SYT6: variants seen among roughly 807,000 people sequenced by gnomAD.
The protein encoded by SYT6 is synaptotagmin 6.
In SYT6, 24 loss-of-function variants were observed where a neutral mutation model predicts 38.4. The ratio of observed to expected loss-of-function variants is 0.62; its 90% CI spans 0.45 to 0.88. SYT6 has a LOEUF of 0.88. Ranked by LOEUF, SYT6 falls within the 40% of genes least tolerant of loss-of-function variation. The pLI is 0.00. For missense variants in SYT6, 611 were observed against 621.0 expected, an observed-to-expected ratio of 0.98 and a Z score of 0.17; for synonymous variants, 265 against 241.9, an observed-to-expected ratio of 1.10 and a Z score of -0.89.
chr1:114,115,606 G>A (rs1207696610), intron 3 of SYT6, among the ~76,000 whole-genome samples: 1 of 151,866 alleles, frequency 6.6e-6, no homozygotes, highest in African/African-American at 2.4e-5. Flanking sequence ...TGGTAGAGAC[G>A]GGGTTTTATC....
intron 6 of SYT6, among the ~76,000 whole-genome samples, chr1:114,094,892 C>T (rs1675538808): frequency 6.6e-6 from 1 of 152,200 alleles, no homozygotes; most frequent in African/African-American, 2.4e-5. Context: ...GGGAGGATTG[C>T]CTCCAAGCAC....
intron 1 of SYT6, among the ~76,000 whole-genome samples, chr1:114,143,267 T>C (rs901465657): frequency 6.7e-6 from 1 of 149,256 alleles, no homozygotes; most frequent in African/African-American, 2.4e-5. Context: ...TATACTTTAG[T>C]CTATTAAGTG....
At chr1:114,108,802 G>T (rs972971439) in intron 3 of SYT6, among the ~76,000 whole-genome samples, 3 of 152,194 alleles carry the variant, frequency 2.0e-5, no homozygotes, top group African/African-American at 4.8e-5. Flanking sequence ...TCCATCTTGG[G>T]AATGCAGGCT....
rs542085771 is a variant in SYT6, at chr1:114,148,092, T to C, written c.163+5518A>G. Among the ~76,000 whole-genome samples the C allele has an allele frequency of 4.6e-5, 7 of 152,320 alleles. No individual in the cohort carries two copies. The East Asian group carries it at 1.3e-3, about 29-fold the overall frequency. On this transcript the variant is annotated intron_variant, in intron 1 of 7. Coordinates refer to ENST00000610222, the MANE Select transcript of SYT6 (RefSeq NM_001253772.2). ...GTCACCTTAAATGAGACTGTCTGGT[T>C]GGGGTGATGGCCCATGGTCTCCCTC...
chr1:114,129,026 AG>A (rs557417877), intron 3 of SYT6, among the ~76,000 whole-genome samples: 115 of 152,328 alleles, frequency 7.5e-4, no homozygotes, highest in African/African-American at 2.6e-3. Flanking sequence ...GATGTCCAAA[AG>A]GTATCTCAAA....
At chr1:114,144,728 C>T (rs572016600) in intron 1 of SYT6, among the ~76,000 whole-genome samples, 2 of 152,248 alleles carry the variant, frequency 1.3e-5, no homozygotes, top group South Asian at 4.2e-4. Context: ...CTAAGGGGAT[C>T]CAGGTACTCC....
At chr1:114,143,501 A>G (rs934276016) in intron 1 of SYT6, among the ~76,000 whole-genome samples, 1 of 148,752 alleles carries the variant, frequency 6.7e-6, no homozygotes, top group African/African-American at 2.5e-5. Context: ...TATATGTATA[A>G]GTTATATATA....
chr1:114,143,045 T>A (rs963177306), intron 1 of SYT6, among the ~76,000 whole-genome samples: 1 of 151,760 alleles, frequency 6.6e-6, no homozygotes, highest in Non-Finnish European at 1.5e-5. Context: ...TTGAAAACCA[T>A]ATGAATAGGA....
At chr1:114,095,570 G>C (rs1675583187) in intron 6 of SYT6, among the ~76,000 whole-genome samples, 2 of 152,202 alleles carry the variant, frequency 1.3e-5, no homozygotes, top group Admixed American at 1.3e-4. Flanking sequence ...CATTGCTTAG[G>C]GTCAGAGTTT....
chr1:114,150,829 G>C (rs1410084070), intron 1 of SYT6, among the ~76,000 whole-genome samples: 2 of 152,296 alleles, frequency 1.3e-5, no homozygotes, highest in South Asian at 2.1e-4. Flanking sequence ...TTGTGTACAG[G>C]TGTTTCCAAG....
Position 114,153,829 on chromosome 1 carries a change from G to A in SYT6, c.-57C>T, listed in dbSNP as rs1040582402. 1.7e-6 allele frequency: 1 copy of A among 589,064 alleles called. No homozygotes were observed. Among genetic ancestry groups the A allele is most frequent in the African/African-American group, 2.0e-5 (1 of 50,286 alleles). The allele number at this position is 589,064 out of a possible 1,614,324, so 36.5% of individuals were successfully genotyped here. On this transcript the variant is annotated 5_prime_UTR_variant, in exon 1 of 8. Transcript: ENST00000610222. ...CTCGAACCCGCGCCCCGGCCGCACTGGGGCGGGGCACGACGGCCCCAAGAA... is the reference window on the plus strand; with the variant it reads ...CTCGAACCCGCGCCCCGGCCGCACTAGGGCGGGGCACGACGGCCCCAAGAA...
At chr1:114,151,457 C>A (rs1420341268) in intron 1 of SYT6, among the ~76,000 whole-genome samples, 3 of 152,220 alleles carry the variant, frequency 2.0e-5, no homozygotes, top group Non-Finnish European at 1.5e-5. Context: ...GCCATCCAGG[C>A]ACCTGTCATT....
chr1:114,123,905 A>G (rs544918883), intron 3 of SYT6, among the ~76,000 whole-genome samples: 105 of 152,270 alleles, frequency 6.9e-4, no homozygotes, highest in African/African-American at 2.4e-3. Flanking sequence ...GTCCCTGTGG[A>G]GTGGCATCCT....
At chr1:114,144,092 G>A (rs908678569) in intron 1 of SYT6, among the ~76,000 whole-genome samples, 4 of 152,190 alleles carry the variant, frequency 2.6e-5, no homozygotes, top group South Asian at 4.1e-4. Flanking sequence ...TGATTGAAAC[G>A]TTAAGAAATT....
intron 1 of SYT6, among the ~76,000 whole-genome samples, chr1:114,141,552 C>G (rs779788291): frequency 5.9e-5 from 9 of 152,200 alleles, no homozygotes; most frequent in Non-Finnish European, 8.8e-5. Flanking sequence ...AAAGATGAAG[C>G]AGCAAGTGCT....
chr1:114,145,006 G>T (rs1679084279), intron 1 of SYT6, among the ~76,000 whole-genome samples: 2 of 152,138 alleles, frequency 1.3e-5, no homozygotes. Context: ...GGCCAAAGGA[G>T]CTGGAGGTAG....
chr1:114,127,257 G>A (rs1224449044), intron 3 of SYT6, among the ~76,000 whole-genome samples: 6 of 152,258 alleles, frequency 3.9e-5, no homozygotes, highest in Non-Finnish European at 4.4e-5. Context: ...GTCCTCACCT[G>A]TGGTGGAAGG....
intron 5 of SYT6, among the ~76,000 whole-genome samples, chr1:114,098,150 T>A (rs1675755049): frequency 6.6e-6 from 1 of 152,164 alleles, no homozygotes; most frequent in African/African-American, 2.4e-5. Context: ...GTATGCGAGG[T>A]GAGACAGTCT....
chr1:114,117,395 G>A (rs1456229657), intron 3 of SYT6, among the ~76,000 whole-genome samples: 1 of 152,224 alleles, frequency 6.6e-6, no homozygotes. Context: ...AAGCCCACTG[G>A]GTGTGCAGTC....
Sources: allele counts gnomAD v4.1 joint callset (sites outside exome capture counted in the v4.1 genomes callset), GRCh38; gene constraint gnomAD v4.1.1; transcripts MANE v1.5; gene names NCBI Gene and HGNC (gene_info 2026-07-23, HGNC 2026-07-21).